The following ASB7 variants were observed in gnomAD, a reference collection of about 807,000 sequenced individuals.
ASB7 encodes the protein ankyrin repeat and SOCS box containing 7.
Under a neutral mutation model 32.5 loss-of-function variants are expected in ASB7, and 4 were observed. The ratio of observed to expected loss-of-function variants is 0.12; its 90% CI spans 0.06 to 0.28. The LOEUF is 0.28. Among genes scored for constraint, ASB7 ranks in the 10% least tolerant of loss-of-function variants. The probability of loss-of-function intolerance (pLI) is 1.00; values close to 1 mark genes in which losing one functional copy is unlikely to be tolerated. For synonymous variants in ASB7, 172 were observed against 155.6 expected (o/e 1.11, Z -0.78); for missense variants, 181 against 407.1 (o/e 0.44, Z 4.78).
At chr15:100,646,974 A>G (rs949541860) in intron 5 of ASB7, among the ~76,000 whole-genome samples, 2 of 152,210 alleles carry the variant, frequency 1.3e-5, no homozygotes, top group African/African-American at 4.8e-5. Context: ...GCTATCATCT[A>G]TTAAACCATA....
At chr15:100,634,708 G>T (rs529466544) in intron 5 of ASB7, among the ~76,000 whole-genome samples, 1 of 152,306 alleles carries the variant, frequency 6.6e-6, no homozygotes, top group African/African-American at 2.4e-5. Context: ...CGAGGCTGAG[G>T]CAGGAGAATC....
chr15:100,647,482 G>T (rs1330747877), intron 5 of ASB7, among the ~76,000 whole-genome samples: 2 of 152,180 alleles, frequency 1.3e-5, no homozygotes, highest in Non-Finnish European at 2.9e-5. Context: ...CACTACTGAA[G>T]CACAGTTGAA....
chr15:100,624,096 A>G (rs2039816266), intron 4 of ASB7, among the ~76,000 whole-genome samples: 1 of 152,216 alleles, frequency 6.6e-6, no homozygotes, highest in African/African-American at 2.4e-5. Flanking sequence ...TGTGGAAGCT[A>G]AAAAAAGTTG....
At chr15:100,643,477 C>CTTTTTTTTTTTTTTTT (rs1172063471) in intron 5 of ASB7, among the ~76,000 whole-genome samples, 1 of 104,380 alleles carries the variant, frequency 9.6e-6, no homozygotes, top group African/African-American at 3.9e-5. Flanking sequence ...GTCCCTTCTT[C>CTTTTTTTTTTTTTTTT]TTTTTTTTTT....
chr15:100,650,513 A>AT lies in ASB7; in HGVS notation c.*2051_*2052insT, dbSNP rs1161139120. The stretch of plus-strand genomic sequence containing the variant: ...AGTGATGTTCATGTTACACTTGCAC[A>AT]AGGGCTGATTTCCACGTATGTGTGT... On this transcript the variant is annotated 3_prime_UTR_variant, in exon 6 of 6. Coordinates refer to ENST00000332783, the MANE Select transcript of ASB7 (RefSeq NM_198243.3). The AT allele has an allele frequency of 5.3e-5, 8 of 152,182 alleles. No homozygotes were observed. The highest frequency in any genetic ancestry group is 1.9e-4 in the African/African-American group (8 of 41,464). The allele number at this position is 152,182 out of a possible 1,614,324, so 9.4% of individuals were successfully genotyped here. A position where few individuals can be genotyped will look rare whatever the true frequency, so the allele number is the denominator to read the frequency against.
At chr15:100,606,084 G>A (rs1292996205) in intron 2 of ASB7, among the ~76,000 whole-genome samples, 1 of 152,180 alleles carries the variant, frequency 6.6e-6, no homozygotes. Flanking sequence ...TATCAGTAGA[G>A]CTTGTGAACA....
Position 100,648,464 on chromosome 15 carries a change from A to G in ASB7, c.*2A>G, listed in dbSNP as rs746214212. 3 of 1,599,906 alleles carry G rather than the reference A, an allele frequency of 1.9e-6. No individual in the cohort carries two copies. The highest frequency in any genetic ancestry group is 1.7e-5 in the Admixed American group (1 of 58,176). ...AAACACAAATTTGATGATATCTGATATGCCAGAACTGTGAGCAAGATTAGG... is the reference window on the plus strand; with the variant it reads ...AAACACAAATTTGATGATATCTGATGTGCCAGAACTGTGAGCAAGATTAGG... On this transcript the variant is annotated 3_prime_UTR_variant, in exon 6 of 6. Transcript: ENST00000332783.
rs2039869635 is a variant in ASB7 at position 100,629,730 on chromosome 15, C to A, written c.505C>A (p.Leu169Ile). The change falls in exon 5 of 6, where the codon CTC becomes ATC. Residue 169 changes from leucine (L) to isoleucine (I), a missense_variant. Physicochemically the swap from Leu to Ile is conservative, Grantham distance 5. Coordinates refer to ENST00000332783, the MANE Select transcript of ASB7 (RefSeq NM_198243.3). The surrounding 1 kb of genome is among the most constrained non-coding windows in gnomAD (Gnocchi z 6.8). Reference sequence around the variant, plus strand: ...AGAGAGGTCAAGCTGTGTGAAAATCCTCCTGGACCACAATGCCAACATCGA... The same window carrying A: ...AGAGAGGTCAAGCTGTGTGAAAATCATCCTGGACCACAATGCCAACATCGA... ...IRERSSCVKI[L>I]LDHNANIDIQ... 6.2e-7 allele frequency: 1 copy of A among 1,614,116 alleles called. No homozygotes were observed. Among genetic ancestry groups the A allele is most frequent in the African/African-American group, 1.3e-5 (1 of 74,940 alleles).
chr15:100,610,693 A>G (rs889023182), intron 3 of ASB7, among the ~76,000 whole-genome samples: 1 of 152,226 alleles, frequency 6.6e-6, no homozygotes, highest in African/African-American at 2.4e-5. Flanking sequence ...ACCTAGGCCT[A>G]AGTTTACTTT....
In ASB7 at chr15:100,648,643, A is replaced by G. The variant is rs574533283; in HGVS notation, c.*181A>G. ...ATTGTAGGGGAGGGATTTTTTATAT[A>G]TATATAAAAACACACACCACATGCT... On this transcript the variant is annotated 3_prime_UTR_variant, in exon 6 of 6. Coordinates refer to ENST00000332783, the MANE Select transcript of ASB7 (RefSeq NM_198243.3). The G allele has an allele frequency of 3.4e-5, 17 of 495,154 alleles. No individual in the cohort carries two copies. Among genetic ancestry groups the G allele is most frequent in the Non-Finnish European group, 5.6e-5 (16 of 284,924 alleles). 30.7% of individuals were successfully genotyped at this position (495,154 alleles called of 1,614,324 possible).
Position 100,649,952 on chromosome 15 carries a change from C to G in ASB7, c.*1490C>G, listed in dbSNP as rs1472956784. The G allele has an allele frequency of 6.6e-6, 1 of 152,248 alleles. No individual in the cohort carries two copies. Among genetic ancestry groups the G allele is most frequent in the Non-Finnish European group, 1.5e-5 (1 of 68,036 alleles). The allele number at this position is 152,248 out of a possible 1,614,324, so 9.4% of individuals were successfully genotyped here. A position where few individuals can be genotyped will look rare whatever the true frequency, so the allele number is the denominator to read the frequency against. ...TAAGTCATGAAGTGTAAAACTGTTT[C>G]ACCCAGAAGTGTAACTAAGCAGAAC... On this transcript the variant is annotated 3_prime_UTR_variant, in exon 6 of 6. Coordinates refer to ENST00000332783, the MANE Select transcript of ASB7 (RefSeq NM_198243.3).
At chr15:100,611,955 G>T (rs1051773524) in intron 3 of ASB7, among the ~76,000 whole-genome samples, 1 of 151,586 alleles carries the variant, frequency 6.6e-6, no homozygotes, top group African/African-American at 2.4e-5. Context: ...AAGTAGCTGG[G>T]ACTGATCCCC....
chr15:100,613,504 G>C (rs1215745218), intron 4 of ASB7, among the ~76,000 whole-genome samples: 2 of 152,218 alleles, frequency 1.3e-5, no homozygotes, highest in Non-Finnish European at 2.9e-5. Context: ...GAAATTCTCT[G>C]GCCTGTGCCT....
At position 100,603,042 on chromosome 15, in the gene ASB7, G is replaced by C. The variant is rs968437780; in HGVS notation, c.-277G>C. ...GAGGAAGAGAAGCAGCAGCTGAGGA[G>C]ACAGGTAAAGTCCTTTACTTCCCCC... On this transcript the variant is annotated 5_prime_UTR_variant, in exon 1 of 6. Coordinates refer to ENST00000332783, the MANE Select transcript of ASB7 (RefSeq NM_198243.3). 2.5e-6 allele frequency: 1 copy of C among 399,288 alleles called. No homozygotes were observed. Among genetic ancestry groups the C allele is most frequent in the African/African-American group, 2.1e-5 (1 of 48,656 alleles). The allele number at this position is 399,288 out of a possible 1,614,324, so 24.7% of individuals were successfully genotyped here.
intron 4 of ASB7, among the ~76,000 whole-genome samples, chr15:100,618,668 AC>A (rs2039766075): frequency 6.6e-6 from 1 of 151,994 alleles, no homozygotes; most frequent in Non-Finnish European, 1.5e-5. Context: ...GGAAGAAAGA[AC>A]AAGAATTCAT....
intron 5 of ASB7, among the ~76,000 whole-genome samples, chr15:100,644,343 G>C (rs1597013148): frequency 6.6e-6 from 1 of 152,218 alleles, no homozygotes; most frequent in Non-Finnish European, 1.5e-5. Context: ...TCACATTCCA[G>C]TTTGCATTTG....
chr15:100,605,144 T>C (rs1054369007), intron 2 of ASB7, among the ~76,000 whole-genome samples: 1 of 152,220 alleles, frequency 6.6e-6, no homozygotes, highest in Non-Finnish European at 1.5e-5. Flanking sequence ...TTTTTAATAG[T>C]TTTTCTAAGA....
intron 5 of ASB7, among the ~76,000 whole-genome samples, chr15:100,640,422 G>A (rs1464619314): frequency 6.6e-6 from 1 of 152,176 alleles, no homozygotes; most frequent in Admixed American, 6.5e-5. Flanking sequence ...TGTGATTATA[G>A]GCGGGAGCCA....
chr15:100,604,671 G>A (rs921846857), intron 2 of ASB7, among the ~76,000 whole-genome samples: 3 of 152,178 alleles, frequency 2.0e-5, no homozygotes, highest in African/African-American at 7.2e-5. Context: ...CTAGGGAATA[G>A]GATTTAGAAT....
Sources: allele counts gnomAD v4.1 joint callset (sites outside exome capture counted in the v4.1 genomes callset), GRCh38; gene constraint gnomAD v4.1.1; non-coding constraint Gnocchi (gnomAD v3.1); transcripts MANE v1.5; gene names NCBI Gene and HGNC (gene_info 2026-07-23, HGNC 2026-07-21).